The following MUC4 variants were observed in gnomAD, a reference collection of about 807,000 sequenced individuals.
MUC4 encodes the protein mucin-4.
Under a neutral mutation model 257.9 loss-of-function variants are expected in MUC4, and 202 were observed. The ratio of observed to expected loss-of-function variants is 0.78; its 90% CI spans 0.70 to 0.88. The LOEUF (loss-of-function observed/expected upper bound fraction) is 0.88. Among genes scored for constraint, MUC4 ranks in the 40% least tolerant of loss-of-function variants. MUC4 has a pLI of 0.00. For missense variants in MUC4, 5,976 were observed against 6,513.7 expected (o/e 0.92, Z 2.84); for synonymous variants, 2,351 against 2,757.1 (o/e 0.85, Z 4.62).
intron 8 of MUC4, among the ~76,000 whole-genome samples, 155 bp from the exon 9 acceptor site, chr3:195,765,604 A>C (rs1262659261): frequency 6.6e-6 from 1 of 152,176 alleles, no homozygotes. Flanking sequence ...TCCTCCCCCA[A>C]AGCCCCTCGC....
rs1273488936 is a variant in MUC4, at chr3:195,788,849, G to A, written c.2731C>T (p.Gln911Ter). Reference sequence around the variant, plus strand: ...GACCCTCTGCTGGTTCTTGTCCTCTGAGTCTGGGCCATCCGGGAAATGGCG... The same window carrying A: ...GACCCTCTGCTGGTTCTTGTCCTCTAAGTCTGGGCCATCCGGGAAATGGCG... ...TAAISRMAQT[Q>*]RTRTSRGSDT... The change falls in exon 2 of 25, where the codon CAG becomes TAG. Residue 911 changes from glutamine (Q) to a stop codon, truncating the protein, a stop_gained. Coordinates refer to ENST00000463781, the MANE Select transcript of MUC4 (RefSeq NM_018406.7). LOFTEE classifies it high-confidence loss of function. The A allele has an allele frequency of 6.2e-7, 1 of 1,613,804 alleles. No individual in the cohort carries two copies. Among genetic ancestry groups the A allele is most frequent in the Admixed American group, 1.7e-5 (1 of 59,984 alleles).
chr3:195,788,832 G>T lies in MUC4; in HGVS notation c.2748C>A (p.Ser916Arg), dbSNP rs772641365. The T allele has an allele frequency of 1.6e-5, 26 of 1,613,822 alleles. No individual in the cohort carries two copies. Among genetic ancestry groups the T allele is most frequent in the East Asian group, 4.5e-5 (2 of 44,902 alleles). The part of the protein sequence containing the change: ...RMAQTQRTRT[S>R]RGSDTISLAS... ...CCAGGCTGATAGTGTCAGACCCTCTGCTGGTTCTTGTCCTCTGAGTCTGGG... is the reference window on the plus strand; with the variant it reads ...CCAGGCTGATAGTGTCAGACCCTCTTCTGGTTCTTGTCCTCTGAGTCTGGG... The change falls in exon 2 of 25, where the codon AGC becomes AGA. Residue 916 changes from serine (S) to arginine (R), a missense_variant. Physicochemically the swap from Ser to Arg is moderately radical, Grantham distance 110. This residue lies in a region of MUC4 where 1,583 missense variants were observed against 1,257.4 expected (regional missense o/e 1.26). Coordinates refer to ENST00000463781, the MANE Select transcript of MUC4 (RefSeq NM_018406.7).
chr3:195,761,372 C>T, intron 15 of MUC4, 112 bp downstream of exon 15: 1 of 978,926 alleles, frequency 1.0e-6, no homozygotes, highest in East Asian at 2.4e-5. Flanking sequence ...GCACAGATTC[C>T]TCAGACCTTA....
In MUC4 at chr3:195,757,111, G is replaced by C. The variant is rs749415350; in HGVS notation, c.15168+36C>G. 1.3e-6 allele frequency: 2 copies of C among 1,566,774 alleles called. No homozygotes were observed. The highest frequency in any genetic ancestry group is 2.3e-5 in the South Asian group (2 of 87,006). The stretch of plus-strand genomic sequence containing the variant: ...TTCCACTCCCATTTCCTCTCCCCTC[G>C]GCACAGAAACTCCTCCCCCACCTCC... On this transcript the variant is annotated intron_variant, in intron 18 of 24. Transcript: ENST00000463781. The surrounding 1 kb of genome is among the most constrained non-coding windows in gnomAD (Gnocchi z 4.8).
chr3:195,761,985 G>A (rs1025091875), intron 14 of MUC4, 102 bp downstream of exon 14: 22 of 1,327,174 alleles, frequency 1.7e-5, no homozygotes, highest in Admixed American at 4.8e-5. Context: ...CCAAGGAGGC[G>A]GAGAAAGGGA....
Position 195,784,241 on chromosome 3 carries a change from T to A in MUC4, c.7339A>T (p.Thr2447Ser). 4 of 1,368,280 alleles carry A rather than the reference T, an allele frequency of 2.9e-6. No homozygotes were observed. The highest frequency in any genetic ancestry group is 4.0e-6 in the Non-Finnish European group (4 of 1,002,074). The allele number at this position is 1,368,280 out of a possible 1,614,324, so 84.8% of individuals were successfully genotyped here. Residue 2447 changes from threonine (T) to serine (S), a missense_variant, in exon 2 of 25, where the codon ACC becomes TCC. This residue lies in a region of MUC4 where 57 missense variants were observed against 116.5 expected (regional missense o/e 0.49). Transcript: ENST00000463781. Reference sequence around the variant, plus strand: ...GAAGTGCTGGTGACAGGAAGAGGGGTGGCATGACCTGTGGATGCCGAGGAA... The same window carrying A: ...GAAGTGCTGGTGACAGGAAGAGGGGAGGCATGACCTGTGGATGCCGAGGAA... ...NVSSASTGHA[T>S]PLPVTSTSSA...
Position 195,789,226 on chromosome 3 carries a change from G to A in MUC4, c.2354C>T (p.Thr785Ile). 4 of 1,613,896 alleles carry A rather than the reference G, an allele frequency of 2.5e-6. No homozygotes were observed. The highest frequency in any genetic ancestry group is 3.4e-6 in the Non-Finnish European group (4 of 1,179,856). The change falls in exon 2 of 25, where the codon ACA becomes ATA. Residue 785 changes from threonine (T) to isoleucine (I), a missense_variant. Around this residue, in one of 44 missense-constraint regions of MUC4, gnomAD observed 1,583 missense variants for 1,257.4 expected, o/e 1.26. Transcript: ENST00000463781. ...TGAGGAGGCCGGTTCGCTGGTCTGT[G>A]TTTGTCCAGAGGCCTCTGTGCTCTC... ...QAESTEASGQ[T>I]QTSEPASSGS...
intron 16 of MUC4, 92 bp from the exon 17 acceptor site, chr3:195,759,353 C>T: frequency 6.6e-7 from 1 of 1,505,516 alleles, no homozygotes; most frequent in South Asian, 1.2e-5. Context: ...ATGTGTGAGG[C>T]ATTCCCAGGA....
rs1717422225 is a variant in MUC4, at chr3:195,755,202, C to T, written c.15169-830G>A. Among the ~76,000 whole-genome samples, 1 of 145,708 alleles carries T rather than the reference C, an allele frequency of 6.9e-6. No homozygotes were observed. ...CACTAATTTTTGTATTTTTCTTCTG[C>T]TTTTTTTTTTAATGAGACAGTCTCG... On this transcript the variant is annotated intron_variant, in intron 18 of 24. Transcript: ENST00000463781. The surrounding 1 kb of genome is among the most constrained non-coding windows in gnomAD (Gnocchi z 5.0).
chr3:195,765,534 C>T, intron 8 of MUC4, 85 bp from the exon 9 acceptor site: 1 of 1,325,812 alleles, frequency 7.5e-7, no homozygotes, highest in Admixed American at 2.4e-5. Flanking sequence ...CCAAAACTCA[C>T]AAATGCACCC....
intron 1 of MUC4, among the ~76,000 whole-genome samples, chr3:195,794,373 T>G (rs370931737): frequency 0.022 from 3,346 of 148,866 alleles, 50 homozygotes; most frequent in African/African-American, 0.032. Context: ...CATATATATA[T>G]AGAGAGAGAG....
Position 195,757,273 on chromosome 3 carries a change from A to C in MUC4, c.15042T>G (p.Ile5014Met), listed in dbSNP as rs772409519. The C allele has an allele frequency of 6.2e-7, 1 of 1,613,252 alleles. No homozygotes were observed. Among genetic ancestry groups the C allele is most frequent in the Non-Finnish European group, 8.5e-7 (1 of 1,179,232 alleles). ...PKSLEPFTLE[I>M]LARSAKIGLA... is the part of the protein sequence containing the mutation. Reference sequence around the variant, plus strand: ...AGCCAATCTTGGCACTTCTTGCTAGAATCTCCAGAGTGAATGGCTCCAGCG... The same window carrying C: ...AGCCAATCTTGGCACTTCTTGCTAGCATCTCCAGAGTGAATGGCTCCAGCG... Residue 5014 changes from isoleucine to methionine, a missense_variant, in exon 18 of 25, where the codon ATT becomes ATG. Physicochemically the swap from Ile to Met is conservative, Grantham distance 10. Coordinates refer to ENST00000463781, the MANE Select transcript of MUC4 (RefSeq NM_018406.7). This position sits in a 1 kb window ranked among gnomAD's most constrained non-coding sequence, Gnocchi z 4.8.
Position 195,779,793 on chromosome 3 carries a change from T to A in MUC4, c.11787A>T (p.Ala3929=). The A allele has an allele frequency of 9.7e-7, 1 of 1,032,300 alleles. No homozygotes were observed. The highest frequency in any genetic ancestry group is 1.3e-6 in the Non-Finnish European group (1 of 774,330). 63.9% of individuals were successfully genotyped at this position (1,032,300 alleles called of 1,614,324 possible). A position where few individuals can be genotyped will look rare whatever the true frequency, so the allele number is the denominator to read the frequency against. ...TRLPVTDVSS[A]STGHATPLPV... is the part of the protein sequence containing the mutation. The stretch of plus-strand genomic sequence containing the variant: ...GAAGAGGGGTGGCATGTCCTGTGGA[T>A]GCCGAGGAAACGTCGGTGACAGGAA... Residue 3929 remains alanine (A), a synonymous_variant, in exon 2 of 25, where the codon GCA becomes GCT. Coordinates refer to ENST00000463781, the MANE Select transcript of MUC4 (RefSeq NM_018406.7).
intron 7 of MUC4, among the ~76,000 whole-genome samples, chr3:195,767,880 C>T (rs1431120255): frequency 6.9e-6 from 1 of 145,518 alleles, no homozygotes; most frequent in Non-Finnish European, 1.5e-5. Context: ...ACCACCATCA[C>T]CACCATCACC....
In MUC4 at chr3:195,784,590, G is replaced by A. The variant is rs1247106460; in HGVS notation, c.6990C>T (p.Ser2330=). 7.1e-7 allele frequency: 1 copy of A among 1,411,686 alleles called. No individual in the cohort carries two copies. Among genetic ancestry groups the A allele is most frequent in the African/African-American group, 1.8e-5 (1 of 56,042 alleles). 87.4% of individuals were successfully genotyped at this position (1,411,686 alleles called of 1,614,324 possible). The stretch of plus-strand genomic sequence containing the variant: ...CAGGAAGAGGCGTGGTGTCACCTGT[G>A]GATGCTGAGGAAAGGCTGGTGACAG... ...PLPVTSLSSA[S]TGDTTPLPVT... Residue 2330 remains serine (S), a synonymous_variant, in exon 2 of 25, where the codon TCC becomes TCT. Transcript: ENST00000463781.
In MUC4 at chr3:195,757,183, G is replaced by T; in HGVS notation, c.15132C>A (p.Tyr5044Ter). 1 of 1,610,198 alleles carries T rather than the reference G, an allele frequency of 6.2e-7. No homozygotes were observed. Among genetic ancestry groups the T allele is most frequent in the Non-Finnish European group, 8.5e-7 (1 of 1,176,998 alleles). Residue 5044 changes from tyrosine to a stop codon, truncating the protein, a stop_gained, in exon 18 of 25, where the codon TAC becomes TAA. Transcript: ENST00000463781. LOFTEE classifies it high-confidence loss of function. This position sits in a 1 kb window ranked among gnomAD's most constrained non-coding sequence, Gnocchi z 4.8. ...CHCNAESQCL[Y>*]NQTSRVGNSS... ...AGTTGCCCACCCTGCTGGTCTGATTGTACAAACACTGGCTCTCTGCATTGC... is the reference window on the plus strand; with the variant it reads ...AGTTGCCCACCCTGCTGGTCTGATTTTACAAACACTGGCTCTCTGCATTGC...
At chr3:195,807,446 G>A (rs1163794864) in intron 1 of MUC4, among the ~76,000 whole-genome samples, 3 of 151,792 alleles carry the variant, frequency 2.0e-5, no homozygotes, top group Non-Finnish European at 4.4e-5. Flanking sequence ...GCAGCCTGGG[G>A]GACAGAGAGA....
At chr3:195,794,113 A>AATAATAATG (rs1175505795) in intron 1 of MUC4, among the ~76,000 whole-genome samples, 4 of 119,004 alleles carry the variant, frequency 3.4e-5, no homozygotes, top group Admixed American at 2.5e-4. Flanking sequence ...TAATAAAAAT[A>AATAATAATG]GATATTAAAT....
rs200739317 is a variant in MUC4 at position 195,782,972 on chromosome 3, C to T, written c.8608G>A (p.Ala2870Thr). The T allele has an allele frequency of 6.3e-3, 6,082 of 970,044 alleles. 338 individuals carry two copies. The African/African-American group carries it at 0.076, about 12-fold the overall frequency. The allele number at this position is 970,044 out of a possible 1,614,324, so 60.1% of individuals were successfully genotyped here. ...GHATSLPVTD[A>T]SSVSTGHATP... ...GCATGACCTGTGGACACTGAGGAAG[C>T]GTCGGTGACAGGAAGAGAGGTGGCG... Residue 2870 changes from alanine to threonine, a missense_variant, in exon 2 of 25, where the codon GCT becomes ACT. Physicochemically the swap from Ala to Thr is moderately conservative, Grantham distance 58. Transcript: ENST00000463781.
Sources: allele counts gnomAD v4.1 joint callset (sites outside exome capture counted in the v4.1 genomes callset), GRCh38; gene constraint gnomAD v4.1.1; regional missense constraint gnomAD v4.1.1; non-coding constraint Gnocchi (gnomAD v3.1); transcripts MANE v1.5; gene names NCBI Gene and HGNC (gene_info 2026-07-23, HGNC 2026-07-21).